The following BEAN1 variants were observed in gnomAD, a reference collection of about 807,000 sequenced individuals.
BEAN1 encodes the protein protein BEAN1.
In BEAN1, 17 loss-of-function variants were observed where a neutral mutation model predicts 17.7. The ratio of observed to expected loss-of-function variants is 0.96; its 90% CI spans 0.66 to 1.44. The LOEUF is 1.44. Among genes scored for constraint, BEAN1 ranks in the 40% most tolerant of loss-of-function variants. The pLI, the probability that BEAN1 is intolerant of heterozygous loss-of-function variation, is 0.00. For missense variants in BEAN1, 359 were observed against 374.1 expected, an observed-to-expected ratio of 0.96 and a Z score of 0.33; for synonymous variants, 142 against 151.8, an observed-to-expected ratio of 0.94 and a Z score of 0.47.
At chr16:66,475,209 G>A (rs1198579454) in intron 3 of BEAN1, among the ~76,000 whole-genome samples, 1 of 152,192 alleles carries the variant, frequency 6.6e-6, no homozygotes, top group East Asian at 1.9e-4. Flanking sequence ...GTTCAAATGG[G>A]AGTGGCGGGT....
intron 2 of BEAN1, among the ~76,000 whole-genome samples, chr16:66,442,891 G>C (rs751857168): frequency 6.6e-6 from 1 of 152,194 alleles, no homozygotes; most frequent in African/African-American, 2.4e-5. Context: ...GACTCTTGGA[G>C]ATGAATTTGG....
At chr16:66,453,509 C>T (rs1479381217) in intron 2 of BEAN1, among the ~76,000 whole-genome samples, 1 of 152,038 alleles carries the variant, frequency 6.6e-6, no homozygotes, top group African/African-American at 2.4e-5. Context: ...TAGGCATGCA[C>T]CACCATACCC....
downstream of BEAN1, among the ~76,000 whole-genome samples, chr16:66,486,722 G>A (rs1964094336): frequency 6.6e-6 from 1 of 152,180 alleles, no homozygotes; most frequent in Non-Finnish European, 1.5e-5. Flanking sequence ...AGGGGAGGAG[G>A]CTGGGAGGAC....
intron 2 of BEAN1, among the ~76,000 whole-genome samples, chr16:66,452,825 C>T (rs758573278): frequency 2.4e-4 from 36 of 152,062 alleles, no homozygotes; most frequent in Non-Finnish European, 3.5e-4. Flanking sequence ...CCCAGAGTAA[C>T]GAAGGGACAC....
chr16:66,485,196 C>A (rs535833018), downstream of BEAN1: 4 of 427,624 alleles, frequency 9.4e-6, no homozygotes, highest in Admixed American at 9.8e-5. Context: ...CACACTGGGG[C>A]CCCTCCCAAG....
intron 2 of BEAN1, among the ~76,000 whole-genome samples, chr16:66,453,651 A>G (rs540494978): frequency 1.3e-5 from 2 of 152,136 alleles, no homozygotes; most frequent in African/African-American, 2.4e-5. Context: ...CATGAGCCAC[A>G]GTGCCTAGCC....
chr16:66,489,495 C>A (rs1020489220), intron 4 of BEAN1, among the ~76,000 whole-genome samples: 3 of 152,138 alleles, frequency 2.0e-5, no homozygotes, highest in African/African-American at 7.2e-5. Context: ...CAAGGGGTGG[C>A]CACGTTTGAC....
chr16:66,437,447 C>T, intron 1 of BEAN1, 148 bp from the exon 2 acceptor site: 1 of 568,784 alleles, frequency 1.8e-6, no homozygotes, highest in Non-Finnish European at 3.1e-6. Flanking sequence ...GGTCCCCCAG[C>T]CCCTTGCCCA....
chr16:66,453,743 T>TG (rs60429777), intron 2 of BEAN1, among the ~76,000 whole-genome samples: 9 of 150,578 alleles, frequency 6.0e-5, no homozygotes, highest in East Asian at 2.0e-4. Flanking sequence ...TTTTTTTTTT[T>TG]GGGTCAGGGG....
At chr16:66,437,839 G>A (rs1006224708) in intron 2 of BEAN1, 138 bp downstream of exon 2, 7 of 1,163,860 alleles carry the variant, frequency 6.0e-6, no homozygotes, top group East Asian at 5.1e-5. Context: ...GGCATGCTGG[G>A]TGGGGAGAGG....
chr16:66,457,334 G>C (rs1011521197), intron 2 of BEAN1, among the ~76,000 whole-genome samples: 1 of 152,174 alleles, frequency 6.6e-6, no homozygotes, highest in African/African-American at 2.4e-5. Context: ...TTTGCTGGCT[G>C]GGTGAATTGA....
downstream of BEAN1, among the ~76,000 whole-genome samples, chr16:66,494,900 G>A (rs944810654): frequency 5.3e-5 from 8 of 152,220 alleles, no homozygotes; most frequent in African/African-American, 1.9e-4. Flanking sequence ...TCCCAACAGA[G>A]GGCATCCTCC....
chr16:66,492,816 C>T (rs1423661256), intron 4 of BEAN1: 1 of 603,998 alleles, frequency 1.7e-6, no homozygotes, highest in Non-Finnish European at 2.9e-6. Context: ...GCCAGGCTTT[C>T]CTTTGGCCAA....
intron 3 of BEAN1, among the ~76,000 whole-genome samples, chr16:66,476,810 G>C (rs143820913): frequency 1.9e-4 from 29 of 152,328 alleles, no homozygotes; most frequent in African/African-American, 6.0e-4. Context: ...TCGAATGCTG[G>C]ACAGGCACAG....
At chr16:66,454,594 C>T (rs1962795506) in intron 2 of BEAN1, among the ~76,000 whole-genome samples, 1 of 152,132 alleles carries the variant, frequency 6.6e-6, no homozygotes, top group Non-Finnish European at 1.5e-5. Flanking sequence ...TATTTTCAAA[C>T]TATTTGTGTC....
chr16:66,454,942 A>G (rs1216211094), intron 2 of BEAN1, among the ~76,000 whole-genome samples: 1 of 152,018 alleles, frequency 6.6e-6, no homozygotes, highest in African/African-American at 2.4e-5. Context: ...CATAGGCAAG[A>G]ACATTACAGG....
chr16:66,468,120 T>C (rs2142428600), intron 2 of BEAN1, among the ~76,000 whole-genome samples: 1 of 152,286 alleles, frequency 6.6e-6, no homozygotes, highest in South Asian at 2.1e-4. Context: ...CTCTCCTTGA[T>C]TACCACCCAA....
intron 3 of BEAN1, among the ~76,000 whole-genome samples, chr16:66,477,140 C>G (rs1963779930): frequency 6.6e-6 from 1 of 152,312 alleles, no homozygotes; most frequent in Middle Eastern, 3.4e-3. Context: ...CGGCCTTCCC[C>G]TCTTCCCCTG....
rs1276124183 is a variant in BEAN1, at chr16:66,480,890, C to T, written c.745C>T (p.Arg249Trp). Residue 249 changes from arginine to tryptophan, a missense_variant, in exon 5 of 5, where the codon CGG becomes TGG. Transcript: ENST00000536005. ...RGSQGSPTPT[R>W]APASGPERIV The stretch of plus-strand genomic sequence containing the variant: ...CTCCCAGGGCTCACCCACCCCAACC[C>T]GGGCCCCAGCCTCTGGCCCAGAGAG... 4 of 1,466,428 alleles carry T rather than the reference C, an allele frequency of 2.7e-6. No individual in the cohort carries two copies. Among genetic ancestry groups the T allele is most frequent in the South Asian group, 1.4e-5 (1 of 71,428 alleles). 90.8% of individuals were successfully genotyped at this position (1,466,428 alleles called of 1,614,324 possible).
Sources: allele counts gnomAD v4.1 joint callset (sites outside exome capture counted in the v4.1 genomes callset), GRCh38; gene constraint gnomAD v4.1.1; transcripts MANE v1.5; gene names NCBI Gene and HGNC (gene_info 2026-07-23, HGNC 2026-07-21).